Variants in DPP10 observed in about 807,000 individuals in gnomAD.
DPP10 encodes the protein inactive dipeptidyl peptidase 10.
In DPP10, 33 loss-of-function variants were observed where a neutral mutation model predicts 120.9. That is an observed-to-expected ratio of 0.27 (90% CI 0.21 to 0.37). The LOEUF (loss-of-function observed/expected upper bound fraction) is 0.37, where lower values mean the gene tolerates loss of function less well. DPP10 is among the 10% of genes least tolerant of loss of function. The probability of loss-of-function intolerance (pLI) is 1.00; values close to 1 mark genes in which losing one functional copy is unlikely to be tolerated. For synonymous variants in DPP10, 337 were observed against 326.1 expected (o/e 1.03, Z -0.36); for missense variants, 816 against 942.8 (o/e 0.87, Z 1.76).
intron 1 of DPP10, among the ~76,000 whole-genome samples, chr2:114,740,820 C>T (rs1677977065): frequency 6.6e-6 from 1 of 152,094 alleles, no homozygotes; most frequent in Admixed American, 6.5e-5. Flanking sequence ...CTATTTCAGT[C>T]GTTTAAATTT....
At chr2:115,281,680 A>C (rs2060162230) in intron 1 of DPP10, among the ~76,000 whole-genome samples, 1 of 152,202 alleles carries the variant, frequency 6.6e-6, no homozygotes, top group Admixed American at 6.5e-5. Flanking sequence ...CAGCAAGAAA[A>C]TATATGCAAC....
At chr2:114,869,206 T>C (rs1690483221) in intron 1 of DPP10, among the ~76,000 whole-genome samples, 2 of 152,166 alleles carry the variant, frequency 1.3e-5, no homozygotes, top group Admixed American at 6.5e-5. Flanking sequence ...TACATATATA[T>C]ACATATATAT....
intron 1 of DPP10, among the ~76,000 whole-genome samples, chr2:115,112,243 G>C (rs1242498881): frequency 6.6e-6 from 1 of 150,896 alleles, no homozygotes; most frequent in Non-Finnish European, 1.5e-5. Context: ...TCTTCCCTTT[G>C]TCTTTTCTTC....
At chr2:114,482,058 C>T (rs1022878879) in intron 1 of DPP10, among the ~76,000 whole-genome samples, 1 of 131,432 alleles carries the variant, frequency 7.6e-6, no homozygotes, top group African/African-American at 4.5e-5. Flanking sequence ...CTCATGAGAA[C>T]TCTAGCATGA....
At chr2:115,091,646 T>G (rs1017827692) in intron 1 of DPP10, among the ~76,000 whole-genome samples, 1 of 152,126 alleles carries the variant, frequency 6.6e-6, no homozygotes, top group Non-Finnish European at 1.5e-5. Context: ...CCAATTTACT[T>G]TGAAATTTGT....
intron 1 of DPP10, among the ~76,000 whole-genome samples, chr2:115,244,958 A>T (rs1432256120): frequency 6.6e-6 from 1 of 151,786 alleles, no homozygotes; most frequent in African/African-American, 2.4e-5. Context: ...AGAAGTGTTC[A>T]GTGTACCCAA....
chr2:115,074,978 C>T (rs1707666592), intron 1 of DPP10, among the ~76,000 whole-genome samples: 1 of 152,088 alleles, frequency 6.6e-6, no homozygotes, highest in African/African-American at 2.4e-5. Flanking sequence ...TGCCTTTGGA[C>T]CATCCAAGAT....
intron 1 of DPP10, among the ~76,000 whole-genome samples, chr2:115,040,657 G>A (rs183451555): frequency 6.6e-6 from 1 of 152,078 alleles, no homozygotes. Flanking sequence ...GGAGGTGACT[G>A]GATCTTGGGG....
intron 3 of DPP10, among the ~76,000 whole-genome samples, chr2:115,384,004 C>T (rs2066651418): frequency 6.6e-6 from 1 of 152,150 alleles, no homozygotes; most frequent in Non-Finnish European, 1.5e-5. Flanking sequence ...TAGAATACTG[C>T]CTGCATGCTT....
chr2:114,643,274 C>T (rs999582572), intron 1 of DPP10, among the ~76,000 whole-genome samples: 1 of 151,834 alleles, frequency 6.6e-6, no homozygotes, highest in African/African-American at 2.4e-5. Flanking sequence ...CAGCCAGGGG[C>T]AGGGAGGGCA....
At chr2:114,496,651 G>T (rs1169137144) in intron 1 of DPP10, among the ~76,000 whole-genome samples, 1 of 152,020 alleles carries the variant, frequency 6.6e-6, no homozygotes, top group Non-Finnish European at 1.5e-5. Flanking sequence ...ACCTTGGAGG[G>T]TTTTGAACAT....
At chr2:115,055,474 A>G (rs969268575) in intron 1 of DPP10, among the ~76,000 whole-genome samples, 4 of 152,214 alleles carry the variant, frequency 2.6e-5, no homozygotes, top group African/African-American at 9.6e-5. Flanking sequence ...GAAGAAAACG[A>G]CAGGCGAAGA....
chr2:115,010,083 T>A (rs1702152747), intron 1 of DPP10, among the ~76,000 whole-genome samples: 1 of 152,232 alleles, frequency 6.6e-6, no homozygotes, highest in South Asian at 2.1e-4. Flanking sequence ...TGCAACTTTA[T>A]GATTTTAATA....
intron 7 of DPP10, among the ~76,000 whole-genome samples, chr2:115,709,896 G>A (rs562145530): frequency 1.3e-4 from 20 of 151,852 alleles, no homozygotes; most frequent in Non-Finnish European, 2.9e-4. Context: ...ATTCCAAAAT[G>A]CAATAAAAAA....
intron 1 of DPP10, among the ~76,000 whole-genome samples, chr2:115,036,835 G>A (rs1350015904): frequency 6.6e-6 from 1 of 152,090 alleles, no homozygotes; most frequent in East Asian, 1.9e-4. Flanking sequence ...CCAAATTTCT[G>A]CATTAGAATC....
chr2:114,697,795 T>C (rs1374797857), intron 1 of DPP10, among the ~76,000 whole-genome samples: 1 of 151,384 alleles, frequency 6.6e-6, no homozygotes, highest in East Asian at 1.9e-4. Flanking sequence ...TCAGTTATTA[T>C]TATTCTGTAG....
At chr2:115,215,749 C>G (rs2056782242) in intron 1 of DPP10, among the ~76,000 whole-genome samples, 1 of 152,044 alleles carries the variant, frequency 6.6e-6, no homozygotes, top group Non-Finnish European at 1.5e-5. Context: ...TCCAGCAATC[C>G]CATTACTGGG....
intron 1 of DPP10, among the ~76,000 whole-genome samples, chr2:114,783,791 G>A (rs1023839129): frequency 3.3e-5 from 5 of 151,916 alleles, no homozygotes; most frequent in African/African-American, 4.8e-5. Flanking sequence ...CTGTGTTTGC[G>A]TCACTGCACT....
chr2:114,845,358 T>G (rs1688463589), intron 1 of DPP10, among the ~76,000 whole-genome samples: 1 of 152,188 alleles, frequency 6.6e-6, no homozygotes, highest in Admixed American at 6.6e-5. Context: ...TAAGAACTCT[T>G]AACTTTCTGC....
Sources: allele counts gnomAD v4.1 joint callset (sites outside exome capture counted in the v4.1 genomes callset), GRCh38; gene constraint gnomAD v4.1.1; transcripts MANE v1.5; gene names NCBI Gene and HGNC (gene_info 2026-07-23, HGNC 2026-07-21).